Variants in OGA observed in about 807,000 individuals in gnomAD.
OGA encodes the protein protein O-GlcNAcase.
A neutral mutation model predicts 102.0 loss-of-function variants in OGA; 21 were observed. That is an observed-to-expected ratio of 0.21 (90% CI 0.15 to 0.30). The LOEUF (loss-of-function observed/expected upper bound fraction) is 0.30, where lower values mean the gene tolerates loss of function less well. Ranked by LOEUF, OGA falls within the 10% of genes least tolerant of loss-of-function variation. The pLI, the probability that OGA is intolerant of heterozygous loss-of-function variation, is 1.00. For missense variants in OGA, 765 were observed against 1,107.8 expected (o/e 0.69, Z 4.39); for synonymous variants, 408 against 378.2 (o/e 1.08, Z -0.91).
chr10:101,802,142 C>A (rs1241076953), intron 7 of OGA, among the ~76,000 whole-genome samples: 2 of 151,142 alleles, frequency 1.3e-5, no homozygotes, highest in African/African-American at 4.9e-5. Context: ...GAGGCTCTGT[C>A]TCAAAGAAAA....
chr10:101,807,899 A>C lies in OGA; in HGVS notation c.483T>G (p.Val161=), dbSNP rs747442813. Residue 161 remains valine (V), a splice_region_variant and synonymous_variant, in exon 5 of 16, where the codon GTT becomes GTG. Coordinates refer to ENST00000361464, the MANE Select transcript of OGA (RefSeq NM_012215.5). ...VSTLKRKLDQ[V]SQFGCRSFAL... The stretch of plus-strand genomic sequence containing the variant: ...CAAATGATCTGCACCCAAACTGAGA[A>C]ACCTAGGAGAAAAAAAAAAAAAAGA... The C allele has an allele frequency of 2.0e-6, 3 of 1,523,868 alleles. No homozygotes were observed. The Admixed American group carries it at 7.0e-5, about 36-fold the overall frequency. The allele number at this position is 1,523,868 out of a possible 1,614,324, so 94.4% of individuals were successfully genotyped here. A position where few individuals can be genotyped will look rare whatever the true frequency, so the allele number is the denominator to read the frequency against.
chr10:101,806,636 C>A (rs1158497454), intron 5 of OGA, among the ~76,000 whole-genome samples: 1 of 152,154 alleles, frequency 6.6e-6, no homozygotes, highest in Non-Finnish European at 1.5e-5. Flanking sequence ...TCTTACGATA[C>A]TACAGTTACT....
At chr10:101,791,579 T>TTTTAC in intron 12 of OGA, 140 bp from the exon 13 acceptor site, 1 of 632,088 alleles carries the variant, frequency 1.6e-6, no homozygotes, top group Non-Finnish European at 2.8e-6. Context: ...CTCTTCTTTG[T>TTTTAC]AAAATAAAGA....
chr10:101,797,923 AT>A lies in OGA; in HGVS notation c.1984+56del, dbSNP rs768541409. The A allele has an allele frequency of 8.3e-5, 128 of 1,534,372 alleles. 1 individual carries two copies. The East Asian group carries it at 2.3e-3, about 28-fold the overall frequency. Reference sequence around the variant, plus strand: ...TAAATGTTTTTCTCCCTGTGGGATAATTTTTTTTAAAGGGACAATATATTTG... The same window carrying A: ...TAAATGTTTTTCTCCCTGTGGGATAATTTTTTTAAAGGGACAATATATTTG... On this transcript the variant is annotated intron_variant, in intron 10 of 15. Coordinates refer to ENST00000361464, the MANE Select transcript of OGA (RefSeq NM_012215.5).
intron 7 of OGA, among the ~76,000 whole-genome samples, chr10:101,802,362 A>G (rs1171853836): frequency 6.6e-6 from 1 of 152,156 alleles, no homozygotes; most frequent in Non-Finnish European, 1.5e-5. Context: ...AGCCTTACCC[A>G]ACACTAGACT....
chr10:101,809,784 T>C (rs2065528694), intron 4 of OGA, among the ~76,000 whole-genome samples: 1 of 149,702 alleles, frequency 6.7e-6, no homozygotes, highest in Non-Finnish European at 1.5e-5. Context: ...AAACCAGGCA[T>C]GGTGACTCAC....
rs2065672208 is a variant in OGA, at chr10:101,818,412, G to C, written c.-390C>G. 2.0e-6 allele frequency: 2 copies of C among 1,018,270 alleles called. No homozygotes were observed. The highest frequency in any genetic ancestry group is 8.1e-5 in the South Asian group (2 of 24,656). 63.1% of individuals were successfully genotyped at this position (1,018,270 alleles called of 1,614,324 possible). A position where few individuals can be genotyped will look rare whatever the true frequency, so the allele number is the denominator to read the frequency against. On this transcript the variant is annotated 5_prime_UTR_variant, in exon 1 of 16. Coordinates refer to ENST00000361464, the MANE Select transcript of OGA (RefSeq NM_012215.5). The stretch of plus-strand genomic sequence containing the variant: ...CCAAGCCCCGAGCTCTCCCTCTGCT[G>C]CTGCCTCCACCGCCCGCTTCCTGTT...
chr10:101,791,706 C>T (rs1450358797), intron 12 of OGA, among the ~76,000 whole-genome samples: 1 of 152,252 alleles, frequency 6.6e-6, no homozygotes, highest in East Asian at 1.9e-4. Flanking sequence ...GTCTTGCTGT[C>T]ACCAGGCTGG....
At chr10:101,811,414 A>ATG (rs1375374211) in intron 3 of OGA, among the ~76,000 whole-genome samples, 2 of 148,290 alleles carry the variant, frequency 1.3e-5, no homozygotes, top group African/African-American at 4.9e-5. Context: ...ATGAAAAAAA[A>ATG]AAAAAAAAAA....
At chr10:101,795,946 A>G in intron 10 of OGA, 1 of 967,878 alleles carries the variant, frequency 1.0e-6, no homozygotes, top group Non-Finnish European at 1.2e-6. Flanking sequence ...AGCTACCACC[A>G]TAAATGCTCA....
intron 2 of OGA, 126 bp from the exon 3 acceptor site, chr10:101,813,253 A>C (rs1007063130): frequency 2.9e-6 from 2 of 681,550 alleles, no homozygotes; most frequent in East Asian, 2.6e-5. Flanking sequence ...GTAGCTTTTA[A>C]CCTTTTTGTA....
intron 11 of OGA, 123 bp from the exon 12 acceptor site, chr10:101,793,066 G>A (rs1036964696): frequency 1.4e-6 from 1 of 707,032 alleles, no homozygotes; most frequent in East Asian, 2.7e-5. Context: ...TAAAGAAGAG[G>A]GGTGTACTAT....
chr10:101,788,130 TAAAAAAAAAAA>T (rs529209574), intron 14 of OGA, among the ~76,000 whole-genome samples: 1 of 106,708 alleles, frequency 9.4e-6, no homozygotes, highest in African/African-American at 3.6e-5. Context: ...GACTCTGTCT[TAAAAAAAAAAA>T]AAAAAAAAAG....
intron 10 of OGA, chr10:101,797,415 T>C (rs79392311): frequency 0.01 from 1,569 of 152,696 alleles, 30 homozygotes; most frequent in African/African-American, 0.032. Flanking sequence ...GGGATTACAA[T>C]TTCTATCCCC....
At chr10:101,809,116 C>T (rs958178049) in intron 4 of OGA, among the ~76,000 whole-genome samples, 3 of 152,156 alleles carry the variant, frequency 2.0e-5, no homozygotes, top group Non-Finnish European at 2.9e-5. Flanking sequence ...GACATCTCTT[C>T]GTCCATATAA....
In OGA at chr10:101,792,866, A is replaced by C. The variant is rs147449402; in HGVS notation, c.2148T>G (p.Thr716=). Residue 716 remains threonine (T), a synonymous_variant, in exon 12 of 16, where the codon ACT becomes ACG. Coordinates refer to ENST00000361464, the MANE Select transcript of OGA (RefSeq NM_012215.5). ...CATCCTTAGGAAAATAAGGTCTGAT[A>C]GTATAAACTTTGGAGGTAGGAGTCA... ...PPLTPTSKVY[T]IRPYFPKDEA... 20 of 1,610,074 alleles carry C rather than the reference A, an allele frequency of 1.2e-5. No homozygotes were observed. The African/African-American group carries it at 2.0e-4, about 16-fold the overall frequency.
At chr10:101,792,020 A>T (rs1564640271) in intron 12 of OGA, among the ~76,000 whole-genome samples, 1 of 146,954 alleles carries the variant, frequency 6.8e-6, no homozygotes, top group Non-Finnish European at 1.5e-5. Flanking sequence ...ATTATTTATT[A>T]TTTTTTTTTT....
intron 5 of OGA, among the ~76,000 whole-genome samples, chr10:101,807,353 G>A (rs1181184413): frequency 6.6e-6 from 1 of 152,144 alleles, no homozygotes; most frequent in East Asian, 1.9e-4. Context: ...TGGGAGGAGT[G>A]CAAAAAGGGA....
At chr10:101,793,084 T>A (rs1032515081) in intron 11 of OGA, 141 bp from the exon 12 acceptor site, 1 of 576,426 alleles carries the variant, frequency 1.7e-6, no homozygotes, top group African/African-American at 1.9e-5. Flanking sequence ...TATGCTTTAC[T>A]AATAGAAATA....
Sources: allele counts gnomAD v4.1 joint callset (sites outside exome capture counted in the v4.1 genomes callset), GRCh38; gene constraint gnomAD v4.1.1; transcripts MANE v1.5; gene names NCBI Gene and HGNC (gene_info 2026-07-23, HGNC 2026-07-21).